Variants in SLC35F1 observed in about 807,000 individuals in gnomAD.
The protein encoded by SLC35F1 is chromosome 6 open reading frame 169.
SLC35F1 carries 14 observed loss-of-function variants against 48.7 expected under a neutral mutation model. That is an observed-to-expected ratio of 0.29 (90% CI 0.19 to 0.45). SLC35F1 has a LOEUF of 0.45. Ranked by LOEUF, SLC35F1 falls within the 20% of genes least tolerant of loss-of-function variation. The probability of loss-of-function intolerance (pLI) is 1.00; values close to 1 mark genes in which losing one functional copy is unlikely to be tolerated. For synonymous variants in SLC35F1, 190 were observed against 202.2 expected (o/e 0.94, Z 0.51); for missense variants, 404 against 500.0 (o/e 0.81, Z 1.83).
intron 1 of SLC35F1, among the ~76,000 whole-genome samples, chr6:117,992,521 T>C (rs984214529): frequency 6.6e-6 from 1 of 152,204 alleles, no homozygotes; most frequent in African/African-American, 2.4e-5. Context: ...CTTTGTCTCC[T>C]CAGCTAAGCA....
At chr6:117,983,170 C>T (rs56183621) in intron 1 of SLC35F1, among the ~76,000 whole-genome samples, 1 of 152,122 alleles carries the variant, frequency 6.6e-6, no homozygotes, top group Non-Finnish European at 1.5e-5. Flanking sequence ...ATAGACTTGT[C>T]ATTGTATTCC....
chr6:118,155,934 A>T (rs1582699384), intron 2 of SLC35F1, among the ~76,000 whole-genome samples: 1 of 152,218 alleles, frequency 6.6e-6, no homozygotes, highest in African/African-American at 2.4e-5. Flanking sequence ...ATAATGCTTA[A>T]TTATAATGAT....
At chr6:118,068,857 A>G (rs147380774) in intron 1 of SLC35F1, among the ~76,000 whole-genome samples, 188 of 152,314 alleles carry the variant, frequency 1.2e-3, no homozygotes, top group African/African-American at 4.2e-3. Flanking sequence ...GAATGCAAAT[A>G]CCACTAAATA....
intron 3 of SLC35F1, among the ~76,000 whole-genome samples, chr6:118,245,488 G>A (rs1562337930): frequency 6.6e-6 from 1 of 152,188 alleles, no homozygotes; most frequent in Non-Finnish European, 1.5e-5. Context: ...TGGACACGGA[G>A]CTGCTGTCTG....
intron 1 of SLC35F1, among the ~76,000 whole-genome samples, chr6:118,061,063 CT>C (rs1772529520): frequency 6.6e-6 from 1 of 152,200 alleles, no homozygotes; most frequent in Non-Finnish European, 1.5e-5. Flanking sequence ...AGAGAATCCT[CT>C]TGATAAACTT....
chr6:118,071,105 A>G (rs548112548), intron 1 of SLC35F1, among the ~76,000 whole-genome samples: 6 of 15,470 alleles, frequency 3.9e-4, no homozygotes, highest in Admixed American at 8.4e-4. Context: ...TATATATAGT[A>G]TGTATATATA....
intron 1 of SLC35F1, among the ~76,000 whole-genome samples, chr6:118,087,430 C>G (rs996410525): frequency 2.6e-5 from 4 of 152,150 alleles, no homozygotes; most frequent in Non-Finnish European, 1.5e-5. Context: ...TAGCCCATAA[C>G]AGGCCCCTTA....
At chr6:118,154,805 C>G (rs1319293069) in intron 2 of SLC35F1, among the ~76,000 whole-genome samples, 185 bp downstream of exon 2, 2 of 152,134 alleles carry the variant, frequency 1.3e-5, no homozygotes, top group African/African-American at 4.8e-5. Context: ...GAAAATTAAT[C>G]ATATGAATTC....
chr6:118,298,670 C>T (rs1482014372), intron 7 of SLC35F1, among the ~76,000 whole-genome samples: 1 of 152,188 alleles, frequency 6.6e-6, no homozygotes, highest in East Asian at 1.9e-4. Context: ...CCACTTCTTT[C>T]CTCTGAATGA....
intron 1 of SLC35F1, among the ~76,000 whole-genome samples, chr6:118,058,314 G>A (rs574148105): frequency 6.6e-6 from 1 of 152,148 alleles, no homozygotes; most frequent in African/African-American, 2.4e-5. Context: ...CATAAACTAG[G>A]AACCCAAGGA....
chr6:118,224,278 CATG>C lies in SLC35F1; in HGVS notation c.350-11223_350-11221del, dbSNP rs369629869. 1.6e-3 allele frequency among the ~76,000 whole-genome samples: 245 copies of C among 152,258 alleles called. 1 individual carries two copies. The highest frequency in any genetic ancestry group is 2.7e-3 in the Non-Finnish European group (187 of 68,024). On this transcript the variant is annotated intron_variant, in intron 2 of 7. Transcript: ENST00000360388. ...TATTTTTCACTGTAGGTGATATCTT[CATG>C]ATGATGAAAATTTAGGTGTAAAGTG...
At chr6:117,966,775 G>A (rs1374903134) in intron 1 of SLC35F1, among the ~76,000 whole-genome samples, 1 of 152,030 alleles carries the variant, frequency 6.6e-6, no homozygotes, top group Non-Finnish European at 1.5e-5. Context: ...AAAGCCATTA[G>A]CCATATTGGA....
chr6:118,096,850 A>G (rs1773183838), intron 1 of SLC35F1, among the ~76,000 whole-genome samples: 1 of 152,074 alleles, frequency 6.6e-6, no homozygotes, highest in South Asian at 2.1e-4. Flanking sequence ...TTTTTCCACT[A>G]TGCCCCTATT....
At chr6:118,199,137 T>A (rs1009085105) in intron 2 of SLC35F1, among the ~76,000 whole-genome samples, 1 of 152,194 alleles carries the variant, frequency 6.6e-6, no homozygotes, top group Non-Finnish European at 1.5e-5. Context: ...CCCAAAGTAT[T>A]GTAGGACATC....
rs1009208844 is a variant in SLC35F1, at chr6:117,963,033, A to G, written c.173+55134A>G. 6.3e-4 allele frequency among the ~76,000 whole-genome samples: 95 copies of G among 151,990 alleles called. 1 individual carries two copies. The highest frequency in any genetic ancestry group is 8.8e-5 in the Non-Finnish European group (6 of 67,988). ...TGTGGTGTGTTCGTAAACCCATTGG[A>G]GGGGAGGGGGAAGGAAGGAAGCCAG... On this transcript the variant is annotated intron_variant, in intron 1 of 7. Coordinates refer to ENST00000360388, the MANE Select transcript of SLC35F1 (RefSeq NM_001029858.4).
At chr6:118,123,325 T>C (rs1773579242) in intron 1 of SLC35F1, among the ~76,000 whole-genome samples, 1 of 152,148 alleles carries the variant, frequency 6.6e-6, no homozygotes, top group African/African-American at 2.4e-5. Flanking sequence ...ATACTTTGCT[T>C]TAACTCCAGT....
chr6:118,083,640 A>G (rs1306385853), intron 1 of SLC35F1, among the ~76,000 whole-genome samples: 1 of 152,228 alleles, frequency 6.6e-6, no homozygotes, highest in Non-Finnish European at 1.5e-5. Context: ...AAAATAATTT[A>G]GTACTTTGTT....
intron 2 of SLC35F1, among the ~76,000 whole-genome samples, chr6:118,165,414 T>A (rs1774302660): frequency 6.6e-6 from 1 of 152,174 alleles, no homozygotes; most frequent in African/African-American, 2.4e-5. Context: ...AATCCAGACA[T>A]TGCAGAGAAG....
chr6:118,068,125 CT>C (rs1265818899), intron 1 of SLC35F1, among the ~76,000 whole-genome samples: 3 of 152,076 alleles, frequency 2.0e-5, no homozygotes, highest in Non-Finnish European at 4.4e-5. Flanking sequence ...TTTTTCCTGC[CT>C]TTTTGTTTTA....
Sources: gnomAD v4.1 joint callset for allele counts (sites outside exome capture counted in the v4.1 genomes callset) on GRCh38, gnomAD v4.1.1 for gene constraint, MANE v1.5 for transcripts, NCBI Gene and HGNC (gene_info 2026-07-23, HGNC 2026-07-21) for gene names.